Variants in TNR observed in about 807,000 individuals in gnomAD.
The protein encoded by TNR is tenascin-R.
TNR carries 45 observed loss-of-function variants against 150.4 expected under a neutral mutation model. The ratio of observed to expected loss-of-function variants is 0.30; its 90% CI spans 0.24 to 0.38. The LOEUF (loss-of-function observed/expected upper bound fraction) is 0.38, where lower values mean the gene tolerates loss of function less well. Among genes scored for constraint, TNR ranks in the 10% least tolerant of loss-of-function variants. The pLI is 1.00. For missense variants in TNR, 1,544 were observed against 1,759.1 expected, an observed-to-expected ratio of 0.88 and a Z score of 2.19; for synonymous variants, 687 against 678.4, an observed-to-expected ratio of 1.01 and a Z score of -0.20.
At chr1:175,693,302 A>G (rs1278467810) in intron 1 of TNR, among the ~76,000 whole-genome samples, 3 of 152,130 alleles carry the variant, frequency 2.0e-5, no homozygotes, top group Non-Finnish European at 4.4e-5. Flanking sequence ...TCTCCCTTGT[A>G]ACCTGTACTA....
intron 2 of TNR, among the ~76,000 whole-genome samples, chr1:175,507,929 C>T (rs1659024373): frequency 6.6e-6 from 1 of 152,112 alleles, no homozygotes; most frequent in Admixed American, 6.6e-5. Flanking sequence ...TTTGTTTTTT[C>T]TCCTTTTGAA....
At chr1:175,671,213 T>C (rs920433603) in intron 1 of TNR, among the ~76,000 whole-genome samples, 10 of 152,042 alleles carry the variant, frequency 6.6e-5, no homozygotes, top group Non-Finnish European at 1.5e-5. Flanking sequence ...GCTTTGGACA[T>C]GTTGGGTTTA....
rs145817745 is a variant in TNR, at chr1:175,480,225, T to C, written c.-64+48044A>G. On this transcript the variant is annotated intron_variant, in intron 2 of 22. Coordinates refer to ENST00000367674, the MANE Select transcript of TNR (RefSeq NM_003285.3). ...CTGTGCTCACTGCAGGACAGCTGCATAAAGTTGAGAAGGCAGCACCAACAA... is the reference window on the plus strand; with the variant it reads ...CTGTGCTCACTGCAGGACAGCTGCACAAAGTTGAGAAGGCAGCACCAACAA... Among the ~76,000 whole-genome samples the C allele has an allele frequency of 9.8e-3, 1,471 of 150,734 alleles. 23 individuals are homozygous for C. The highest frequency in any genetic ancestry group is 0.022 in the South Asian group (103 of 4,760).
In TNR at chr1:175,349,615, C is replaced by T. The variant is rs138067897; in HGVS notation, c.3382+4776G>A. On this transcript the variant is annotated intron_variant, in intron 18 of 22. Transcript: ENST00000367674. ...GACACAAATTTAATGTATCAAATGC[C>T]TGCCTATGGAAGGTGGAAGAAGAGA... is the stretch of plus-strand genomic sequence containing the variant. Among the ~76,000 whole-genome samples, 1,106 of 152,192 alleles carry T rather than the reference C, an allele frequency of 7.3e-3. 10 individuals are homozygous for T. Among genetic ancestry groups the T allele is most frequent in the South Asian group, 0.022 (107 of 4,810 alleles).
At chr1:175,653,869 A>T (rs1399655871) in intron 1 of TNR, among the ~76,000 whole-genome samples, 1 of 152,222 alleles carries the variant, frequency 6.6e-6, no homozygotes, top group Non-Finnish European at 1.5e-5. Context: ...TTTAATTTCT[A>T]AATTTTCCTT....
chr1:175,335,637 A>G, intron 20 of TNR, 74 bp downstream of exon 20: 3 of 1,427,826 alleles, frequency 2.1e-6, no homozygotes, highest in South Asian at 2.4e-5. Flanking sequence ...ATAATCTCAG[A>G]TGGACACAAA....
intron 1 of TNR, among the ~76,000 whole-genome samples, chr1:175,535,801 G>A (rs139625006): frequency 1.2e-4 from 18 of 152,244 alleles, no homozygotes; most frequent in African/African-American, 4.3e-4. Context: ...TATGGCAGTG[G>A]TTCTTATCCT....
chr1:175,736,721 G>A (rs1302614112), intron 1 of TNR, among the ~76,000 whole-genome samples: 1 of 151,870 alleles, frequency 6.6e-6, no homozygotes, highest in East Asian at 1.9e-4. Flanking sequence ...CAGAGAGAGT[G>A]GAAGAACTTA....
chr1:175,454,568 T>G (rs1305185290), intron 2 of TNR, among the ~76,000 whole-genome samples: 1 of 152,058 alleles, frequency 6.6e-6, no homozygotes, highest in Non-Finnish European at 1.5e-5. Flanking sequence ...CTCTCCTGGG[T>G]TCAAGCGATT....
chr1:175,558,953 A>G (rs1029784194), intron 1 of TNR, among the ~76,000 whole-genome samples: 1 of 152,222 alleles, frequency 6.6e-6, no homozygotes, highest in East Asian at 1.9e-4. Context: ...AGGTTCATCA[A>G]TTATAACATA....
At chr1:175,498,836 A>G (rs767049104) in intron 2 of TNR, among the ~76,000 whole-genome samples, 1 of 152,234 alleles carries the variant, frequency 6.6e-6, no homozygotes, top group Non-Finnish European at 1.5e-5. Flanking sequence ...CATGCAGCAC[A>G]TATAACCGTT....
At chr1:175,374,362 G>A (rs1387253088) in intron 9 of TNR, among the ~76,000 whole-genome samples, 2 of 152,196 alleles carry the variant, frequency 1.3e-5, no homozygotes, top group African/African-American at 2.4e-5. Context: ...TCAGCCTAGC[G>A]TGTGTGAGTG....
At chr1:175,737,850 C>T (rs1667816521) in intron 1 of TNR, among the ~76,000 whole-genome samples, 1 of 152,162 alleles carries the variant, frequency 6.6e-6, no homozygotes, top group African/African-American at 2.4e-5. Flanking sequence ...GGTCTGTTGG[C>T]TCATTTGTCC....
At chr1:175,432,671 T>C (rs1655329763) in intron 2 of TNR, among the ~76,000 whole-genome samples, 1 of 152,022 alleles carries the variant, frequency 6.6e-6, no homozygotes, top group African/African-American at 2.4e-5. Context: ...TGCTGAGTAT[T>C]TTTTTTTATT....
chr1:175,633,623 G>C (rs1035735055), intron 1 of TNR, among the ~76,000 whole-genome samples: 2 of 152,030 alleles, frequency 1.3e-5, no homozygotes, highest in Admixed American at 6.6e-5. Context: ...TGATTTAATC[G>C]CAAATGCCAT....
chr1:175,638,712 G>A (rs1258273119), intron 1 of TNR, among the ~76,000 whole-genome samples: 2 of 152,026 alleles, frequency 1.3e-5, no homozygotes, highest in Non-Finnish European at 2.9e-5. Context: ...CATGATGATT[G>A]GATGACTCTA....
intron 1 of TNR, among the ~76,000 whole-genome samples, chr1:175,683,992 T>C (rs551449244): frequency 6.6e-6 from 1 of 152,148 alleles, no homozygotes; most frequent in Non-Finnish European, 1.5e-5. Context: ...CTCCGGGAGC[T>C]GGGAGACTCC....
At chr1:175,374,495 T>C (rs1171653760) in intron 9 of TNR, among the ~76,000 whole-genome samples, 1 of 152,142 alleles carries the variant, frequency 6.6e-6, no homozygotes, top group Non-Finnish European at 1.5e-5. Flanking sequence ...CATGTGAGTG[T>C]GCATATGTGC....
At chr1:175,700,539 TA>T (rs1277073495) in intron 1 of TNR, among the ~76,000 whole-genome samples, 1 of 152,156 alleles carries the variant, frequency 6.6e-6, no homozygotes, top group African/African-American at 2.4e-5. Flanking sequence ...CACACTGACT[TA>T]ACTTCTGAGA....
Sources: allele counts gnomAD v4.1 joint callset (sites outside exome capture counted in the v4.1 genomes callset), GRCh38; gene constraint gnomAD v4.1.1; transcripts MANE v1.5; gene names NCBI Gene and HGNC (gene_info 2026-07-23, HGNC 2026-07-21).